Variants in DRC11L observed in about 807,000 individuals in gnomAD.
DRC11L encodes the protein dynein regulatory complex subunit 11 like.
chr7:151,204,195 C>T, the DRC11L span, among the ~76,000 whole-genome samples: 22 of 152,302 alleles, frequency 1.4e-4, no homozygotes, highest in East Asian at 1.7e-3. Flanking sequence ...GGGGACCTCA[C>T]CCTGACTCCA....
At chr7:151,203,603 C>A in the DRC11L span, 1 of 397,208 alleles carries the variant, frequency 2.5e-6, no homozygotes, top group Non-Finnish European at 4.4e-6. Flanking sequence ...GCTTACACAC[C>A]CCCAGCACTG....
At chr7:151,199,849 G>A in the DRC11L span, among the ~76,000 whole-genome samples, 1 of 152,290 alleles carries the variant, frequency 6.6e-6, no homozygotes, top group Non-Finnish European at 1.5e-5. The surrounding 1 kb of genome is among the most constrained non-coding windows in gnomAD (Gnocchi z 5.2). Flanking sequence ...GTGGAGACCA[G>A]CTGGGTGAGA....
the DRC11L span, among the ~76,000 whole-genome samples, chr7:151,194,865 A>T: frequency 6.6e-6 from 1 of 152,220 alleles, no homozygotes; most frequent in Non-Finnish European, 1.5e-5. Context: ...GGCCTCTGTG[A>T]CACTCATTAG....
chr7:151,194,845 G>A, the DRC11L span, among the ~76,000 whole-genome samples: 3 of 152,232 alleles, frequency 2.0e-5, no homozygotes, highest in Admixed American at 2.0e-4. Context: ...AGGGGTGTGA[G>A]GGGGACAGGG....
chr7:151,194,033 G>A, the DRC11L span, among the ~76,000 whole-genome samples: 3 of 152,002 alleles, frequency 2.0e-5, no homozygotes, highest in South Asian at 6.2e-4. Flanking sequence ...ATTGAGTAAG[G>A]GGCTGGCAGC....
the DRC11L span, chr7:151,193,609 AGGGCATAC>A: frequency 1.8e-5 from 7 of 398,298 alleles, no homozygotes; most frequent in Non-Finnish European, 4.4e-6. Flanking sequence ...TGCAGATCAC[AGGGCATAC>A]TACCTTCCCC....
chr7:151,203,872 G>A, the DRC11L span, among the ~76,000 whole-genome samples: 1 of 152,130 alleles, frequency 6.6e-6, no homozygotes, highest in Admixed American at 6.5e-5. Flanking sequence ...CCCCACCCCC[G>A]ACCAAGTGCA....
chr7:151,194,642 C>T, the DRC11L span: 4 of 399,188 alleles, frequency 1.0e-5, no homozygotes, highest in African/African-American at 2.1e-5. Flanking sequence ...CCACAAGGGA[C>T]ATTAGCAAGT....
At chr7:151,195,253 C>T in the DRC11L span, among the ~76,000 whole-genome samples, 1 of 152,128 alleles carries the variant, frequency 6.6e-6, no homozygotes, top group South Asian at 2.1e-4. Context: ...ATCCCCACGG[C>T]TATCACCTGA....
the DRC11L span, chr7:151,200,278 G>C: frequency 2.5e-6 from 1 of 398,662 alleles, no homozygotes; most frequent in Non-Finnish European, 4.4e-6. Flanking sequence ...TGAGTGGAGA[G>C]CACCGTGGGC....
chr7:151,193,832 G>A, the DRC11L span, among the ~76,000 whole-genome samples: 8 of 151,904 alleles, frequency 5.3e-5, no homozygotes, highest in Admixed American at 3.9e-4. Context: ...CACGGGACAC[G>A]GGAGGTGGAG....
the DRC11L span, chr7:151,205,340 C>T: frequency 1.5e-5 from 6 of 398,846 alleles, no homozygotes; most frequent in Non-Finnish European, 2.7e-5. Context: ...GCTGGGGTGG[C>T]CCAGTGCCCA....
At chr7:151,202,885 CCCT>C in the DRC11L span, 1 of 399,604 alleles carries the variant, frequency 2.5e-6, no homozygotes, top group East Asian at 3.6e-5. Flanking sequence ...TCTACCCTGA[CCCT>C]CCTCCTGGGC....
At chr7:151,200,460 G>A in the DRC11L span, 15 of 399,184 alleles carry the variant, frequency 3.8e-5, no homozygotes, top group Non-Finnish European at 6.2e-5. Flanking sequence ...CACACCTGGC[G>A]GAGGGATGTA....
chr7:151,197,936 A>T, the DRC11L span: 1 of 398,410 alleles, frequency 2.5e-6, no homozygotes, highest in Non-Finnish European at 4.4e-6. Context: ...TTGGACAGAA[A>T]GATGAATAGA....
the DRC11L span, among the ~76,000 whole-genome samples, chr7:151,197,554 G>A: frequency 1.3e-5 from 2 of 152,150 alleles, no homozygotes; most frequent in African/African-American, 4.8e-5. Context: ...GAGCGTTCTG[G>A]TGAGAGCCAC....
At chr7:151,199,332 G>A in the DRC11L span, among the ~76,000 whole-genome samples, 11 of 151,322 alleles carry the variant, frequency 7.3e-5, no homozygotes, top group Non-Finnish European at 1.5e-4. This position sits in a 1 kb window ranked among gnomAD's most constrained non-coding sequence, Gnocchi z 5.2. Context: ...CCCCGCGGCC[G>A]AGTTGGCAGC....
the DRC11L span, chr7:151,193,547 C>T: frequency 2.5e-6 from 1 of 399,300 alleles, no homozygotes; most frequent in East Asian, 3.6e-5. Context: ...GGAATCAGGG[C>T]TGGAGATGAC....
At chr7:151,194,453 G>A in the DRC11L span, 3 of 398,928 alleles carry the variant, frequency 7.5e-6, no homozygotes, top group Non-Finnish European at 1.3e-5. Flanking sequence ...CTGGTGGATG[G>A]GGGTAGGGGA....
Sources: allele counts gnomAD v4.1 joint callset (sites outside exome capture counted in the v4.1 genomes callset), GRCh38; gene constraint gnomAD v4.1.1; non-coding constraint Gnocchi (gnomAD v3.1); transcripts MANE v1.5; gene names NCBI Gene and HGNC (gene_info 2026-07-23, HGNC 2026-07-21).